Variants in TMEM132D observed in about 807,000 individuals in gnomAD.
TMEM132D encodes mature OL transmembrane protein.
A neutral mutation model predicts 62.3 loss-of-function variants in TMEM132D; 21 were observed. The observed-to-expected ratio is 0.34, with a 90% CI of 0.24 to 0.49. TMEM132D has a LOEUF of 0.49. Among genes scored for constraint, TMEM132D ranks in the 20% least tolerant of loss-of-function variants. The probability of loss-of-function intolerance (pLI) is 0.99; values close to 1 mark genes in which losing one functional copy is unlikely to be tolerated. For synonymous variants in TMEM132D, 621 were observed against 575.6 expected, an observed-to-expected ratio of 1.08 and a Z score of -1.13; for missense variants, 1,346 against 1,402.8, an observed-to-expected ratio of 0.96 and a Z score of 0.65.
chr12:129,318,920 C>T (rs1024369802), intron 4 of TMEM132D, among the ~76,000 whole-genome samples: 2 of 152,246 alleles, frequency 1.3e-5, no homozygotes, highest in East Asian at 3.9e-4. Context: ...CTGGCAGTCA[C>T]AGGCCTCAGC....
intron 1 of TMEM132D, among the ~76,000 whole-genome samples, chr12:129,794,962 G>A (rs1189715541): frequency 6.6e-6 from 1 of 152,154 alleles, no homozygotes; most frequent in Admixed American, 6.5e-5. Flanking sequence ...GGCAGGCGGA[G>A]GGAACGTGGC....
At chr12:129,233,822 T>C (rs1391819894) in intron 4 of TMEM132D, among the ~76,000 whole-genome samples, 1 of 152,024 alleles carries the variant, frequency 6.6e-6, no homozygotes, top group Non-Finnish European at 1.5e-5. Context: ...ATTATTATTA[T>C]TTTTTACACG....
intron 5 of TMEM132D, among the ~76,000 whole-genome samples, chr12:129,143,206 C>A (rs1391416830): frequency 1.3e-5 from 2 of 152,142 alleles, no homozygotes; most frequent in Admixed American, 1.3e-4. Context: ...GGGGTTTCCA[C>A]CATCCCCTCT....
chr12:129,161,263 T>C (rs895933685), intron 5 of TMEM132D, among the ~76,000 whole-genome samples: 2 of 152,188 alleles, frequency 1.3e-5, no homozygotes, highest in African/African-American at 2.4e-5. Context: ...TCTAAATAAA[T>C]GGTAAAAAGG....
intron 4 of TMEM132D, among the ~76,000 whole-genome samples, chr12:129,326,321 A>G (rs1593338294): frequency 6.6e-6 from 1 of 152,196 alleles, no homozygotes; most frequent in Non-Finnish European, 1.5e-5. Flanking sequence ...CCCCAGAATG[A>G]GGAACTCAGG....
At chr12:129,455,705 A>G (rs1023540698) in intron 3 of TMEM132D, among the ~76,000 whole-genome samples, 2 of 152,190 alleles carry the variant, frequency 1.3e-5, no homozygotes, top group African/African-American at 4.8e-5. Context: ...TCAGGAGCAC[A>G]TTATGTGTCT....
intron 3 of TMEM132D, among the ~76,000 whole-genome samples, chr12:129,503,270 A>G (rs1875211746): frequency 6.6e-6 from 1 of 152,218 alleles, no homozygotes; most frequent in South Asian, 2.1e-4. Context: ...GAAAGTCGAC[A>G]GAAGAAATCT....
At chr12:129,471,621 T>C (rs1874095852) in intron 3 of TMEM132D, among the ~76,000 whole-genome samples, 1 of 152,188 alleles carries the variant, frequency 6.6e-6, no homozygotes, top group South Asian at 2.1e-4. Context: ...TCTTTTACTT[T>C]AAATCAAAAC....
At chr12:129,095,434 A>C (rs1478075205) in intron 5 of TMEM132D, among the ~76,000 whole-genome samples, 1 of 143,494 alleles carries the variant, frequency 7.0e-6, no homozygotes, top group East Asian at 2.1e-4. Context: ...GGCTCACTGC[A>C]ACCTCTGCCT....
intron 3 of TMEM132D, among the ~76,000 whole-genome samples, chr12:129,454,890 A>G (rs1873416967): frequency 6.6e-6 from 1 of 152,196 alleles, no homozygotes; most frequent in Admixed American, 6.5e-5. Flanking sequence ...ATATCCTGGT[A>G]GTGACCTCCC....
intron 5 of TMEM132D, among the ~76,000 whole-genome samples, chr12:129,120,704 C>A (rs1876032799): frequency 6.6e-6 from 1 of 152,088 alleles, no homozygotes; most frequent in Non-Finnish European, 1.5e-5. Context: ...ATATAATTCT[C>A]CTGGCTTTAA....
In TMEM132D at chr12:129,290,508, A is replaced by C. The variant is rs180986686; in HGVS notation, c.1299+47126T>G. Among the ~76,000 whole-genome samples the C allele has an allele frequency of 3.2e-3, 485 of 152,358 alleles. 1 individual carries two copies. Among genetic ancestry groups the C allele is most frequent in the Non-Finnish European group, 5.7e-3 (388 of 68,032 alleles). ...AAGAATTATTGTTGATCAAAAGAAA[A>C]GTAAGTTGCAAAACAACAGCTACAG... On this transcript the variant is annotated intron_variant, in intron 4 of 8. Coordinates refer to ENST00000422113, the MANE Select transcript of TMEM132D (RefSeq NM_133448.3).
At chr12:129,660,862 A>C (rs585618) in intron 2 of TMEM132D, among the ~76,000 whole-genome samples, 75,994 of 151,928 alleles carry the variant, frequency 0.5, 19,144 homozygotes, top group Middle Eastern at 0.62. Context: ...TCATGTTCTC[A>C]AATAGACACA....
At chr12:129,122,391 A>G (rs1480704455) in intron 5 of TMEM132D, among the ~76,000 whole-genome samples, 3 of 152,220 alleles carry the variant, frequency 2.0e-5, no homozygotes. Context: ...ATGTCTTCAG[A>G]GTAACATTCA....
chr12:129,099,074 CTT>C (rs1299940944), intron 5 of TMEM132D, among the ~76,000 whole-genome samples: 1 of 152,214 alleles, frequency 6.6e-6, no homozygotes, highest in African/African-American at 2.4e-5. Flanking sequence ...GCCGGATAGA[CTT>C]TTGTCACAAA....
chr12:129,617,594 C>T (rs1013663215), intron 2 of TMEM132D, among the ~76,000 whole-genome samples: 14 of 152,176 alleles, frequency 9.2e-5, no homozygotes, highest in African/African-American at 1.9e-4. Flanking sequence ...AGCAGCAGTG[C>T]GGTTCTATTT....
intron 1 of TMEM132D, among the ~76,000 whole-genome samples, chr12:129,815,667 G>A (rs1163686532): frequency 2.0e-5 from 3 of 152,172 alleles, no homozygotes; most frequent in African/African-American, 4.8e-5. Flanking sequence ...TTATGTGTGC[G>A]GGGGATCTGT....
chr12:129,266,343 C>T (rs1220173717), intron 4 of TMEM132D, among the ~76,000 whole-genome samples: 2 of 151,710 alleles, frequency 1.3e-5, no homozygotes, highest in East Asian at 3.9e-4. Context: ...TGGCTCTTTC[C>T]TTCTATCCCT....
intron 4 of TMEM132D, among the ~76,000 whole-genome samples, chr12:129,280,098 TG>T (rs1247978907): frequency 2.0e-4 from 31 of 152,358 alleles, no homozygotes; most frequent in Non-Finnish European, 1.6e-4. Flanking sequence ...AAAACCCTGC[TG>T]TCTTCATAAA....
Sources: gnomAD v4.1 joint callset for allele counts (sites outside exome capture counted in the v4.1 genomes callset) on GRCh38, gnomAD v4.1.1 for gene constraint, MANE v1.5 for transcripts, NCBI Gene and HGNC (gene_info 2026-07-23, HGNC 2026-07-21) for gene names.